The following FGFR2 variants were observed in gnomAD, a reference collection of about 807,000 sequenced individuals.
The protein encoded by FGFR2 is fibroblast growth factor receptor 2.
In FGFR2, 19 loss-of-function variants were observed where a neutral mutation model predicts 95.9. The ratio of observed to expected loss-of-function variants is 0.20; its 90% CI spans 0.14 to 0.29. The LOEUF (loss-of-function observed/expected upper bound fraction) is 0.29, where lower values mean the gene tolerates loss of function less well. Among genes scored for constraint, FGFR2 ranks in the 10% least tolerant of loss-of-function variants. FGFR2 has a pLI of 1.00. For synonymous variants in FGFR2, 392 were observed against 393.3 expected (o/e 1.00, Z 0.04); for missense variants, 707 against 1,056.9 (o/e 0.67, Z 4.59).
chr10:121,536,458 A>C (rs1339694155), intron 6 of FGFR2, among the ~76,000 whole-genome samples: 1 of 152,144 alleles, frequency 6.6e-6, no homozygotes, highest in Non-Finnish European at 1.5e-5. Flanking sequence ...TGACATAATC[A>C]GGCCTCTCTC....
intron 9 of FGFR2, among the ~76,000 whole-genome samples, chr10:121,510,153 G>A (rs374099822): frequency 2.9e-4 from 44 of 152,288 alleles, no homozygotes; most frequent in East Asian, 1.5e-3. Context: ...ACAAAATTTA[G>A]GTAATTAGGC....
At chr10:121,490,928 A>C (rs769901906) in intron 13 of FGFR2, among the ~76,000 whole-genome samples, 5 of 152,196 alleles carry the variant, frequency 3.3e-5, no homozygotes, top group Non-Finnish European at 7.3e-5. Flanking sequence ...GAAGCAGGAA[A>C]CATGAGAGCT....
chr10:121,553,524 A>C (rs944434464), intron 4 of FGFR2, among the ~76,000 whole-genome samples: 3 of 152,244 alleles, frequency 2.0e-5, no homozygotes, highest in Non-Finnish European at 2.9e-5. Context: ...GAAACCATTG[A>C]GAGCACAAAA....
At chr10:121,490,931 T>C (rs377654893) in intron 13 of FGFR2, among the ~76,000 whole-genome samples, 109 of 152,174 alleles carry the variant, frequency 7.2e-4, no homozygotes, top group Non-Finnish European at 1.3e-3. Context: ...GCAGGAAACA[T>C]GAGAGCTCAC....
At chr10:121,587,581 A>G (rs938157621) in intron 2 of FGFR2, among the ~76,000 whole-genome samples, 5 of 152,208 alleles carry the variant, frequency 3.3e-5, no homozygotes, top group South Asian at 4.1e-4. Flanking sequence ...AACCACATAA[A>G]AAGTAGACAA....
At chr10:121,535,916 A>G (rs1362870247) in intron 6 of FGFR2, among the ~76,000 whole-genome samples, 1 of 152,182 alleles carries the variant, frequency 6.6e-6, no homozygotes, top group Non-Finnish European at 1.5e-5. Flanking sequence ...AAAAGATCTC[A>G]CCCATCTTGA....
chr10:121,487,112 C>T (rs1004782362), intron 15 of FGFR2, among the ~76,000 whole-genome samples: 20 of 152,266 alleles, frequency 1.3e-4, no homozygotes, highest in Admixed American at 9.2e-4. Flanking sequence ...AAGGGAAGGA[C>T]TTCCGCTCTG....
intron 5 of FGFR2, among the ~76,000 whole-genome samples, chr10:121,542,968 C>T (rs943814938): frequency 1.3e-5 from 2 of 152,202 alleles, no homozygotes; most frequent in Non-Finnish European, 2.9e-5. Flanking sequence ...AAAATCCAGA[C>T]ATTTCCAAAT....
chr10:121,478,712 A>G lies in FGFR2; in HGVS notation c.*1145T>C. ...TCTATGATGGGACTTGAAGATCCTA[A>G]CAGGCGTCTCCAACGCCAAAGAGTC... is the stretch of plus-strand genomic sequence containing the variant. On this transcript the variant is annotated 3_prime_UTR_variant, in exon 18 of 18. Coordinates refer to ENST00000358487, the MANE Select transcript of FGFR2 (RefSeq NM_000141.5). The G allele has an allele frequency of 4.3e-6, 1 of 233,616 alleles. No individual in the cohort carries two copies. 14.5% of individuals were successfully genotyped at this position (233,616 alleles called of 1,614,324 possible).
At chr10:121,577,719 G>A (rs1451401466) in intron 2 of FGFR2, among the ~76,000 whole-genome samples, 1 of 152,032 alleles carries the variant, frequency 6.6e-6, no homozygotes, top group African/African-American at 2.4e-5. Context: ...CTGGGCACGT[G>A]TGGCTTTTCC....
intron 10 of FGFR2, among the ~76,000 whole-genome samples, chr10:121,501,217 T>TTGACC (rs1222372638): frequency 1.3e-5 from 2 of 152,218 alleles, no homozygotes; most frequent in Non-Finnish European, 2.9e-5. Flanking sequence ...GCTAGTGCGG[T>TTGACC]GGTCAGCTTT....
intron 2 of FGFR2, among the ~76,000 whole-genome samples, chr10:121,579,331 C>G (rs538559931): frequency 6.6e-6 from 1 of 152,208 alleles, no homozygotes; most frequent in Admixed American, 6.5e-5. Context: ...GGAGGGCAGT[C>G]CTGGGTTCCT....
rs1459232873 is a variant in FGFR2, at chr10:121,503,814, G to A, written c.1415C>T (p.Pro472Leu). Residue 472 changes from proline to leucine, a missense_variant, in exon 10 of 18, where the codon CCA (proline) becomes CTA (leucine). Transcript: ENST00000358487. ...GVSEYELPEDPKWEFPRDKLT... is the reference protein window; with the variant it reads ...GVSEYELPEDLKWEFPRDKLT... The stretch of plus-strand genomic sequence containing the variant: ...CTTATCTCTTGGAAACTCCCATTTT[G>A]GGTCCTCTGGAAGTTCATACTCGGA... 3 of 1,613,970 alleles carry A rather than the reference G, an allele frequency of 1.9e-6. No individual in the cohort carries two copies. Among genetic ancestry groups the A allele is most frequent in the Non-Finnish European group, 2.5e-6 (3 of 1,180,024 alleles).
chr10:121,562,378 G>T (rs1262573187), intron 4 of FGFR2, among the ~76,000 whole-genome samples: 1 of 151,640 alleles, frequency 6.6e-6, no homozygotes, highest in East Asian at 1.9e-4. Flanking sequence ...TCCGCATCCT[G>T]GGTTCAAGTG....
intron 2 of FGFR2, among the ~76,000 whole-genome samples, chr10:121,570,720 C>T (rs1034045993): frequency 2.0e-5 from 3 of 152,180 alleles, no homozygotes; most frequent in African/African-American, 7.2e-5. Flanking sequence ...AATATGTTTC[C>T]ATGTATTTTT....
intron 2 of FGFR2, among the ~76,000 whole-genome samples, chr10:121,591,805 AT>A (rs1554867460): frequency 6.6e-6 from 1 of 152,196 alleles, no homozygotes; most frequent in Non-Finnish European, 1.5e-5. Flanking sequence ...TTCCTGATCC[AT>A]AAGTGCATCC....
At chr10:121,589,758 G>A (rs973955735) in intron 2 of FGFR2, among the ~76,000 whole-genome samples, 5 of 152,124 alleles carry the variant, frequency 3.3e-5, no homozygotes, top group East Asian at 1.9e-4. Flanking sequence ...ATTTAACTGC[G>A]TAAGCCTGTA....
intron 4 of FGFR2, among the ~76,000 whole-genome samples, chr10:121,560,786 G>A (rs1404416833): frequency 6.6e-6 from 1 of 152,056 alleles, no homozygotes; most frequent in Non-Finnish European, 1.5e-5. Flanking sequence ...CTAACAGTAA[G>A]CTCCCATTCA....
In FGFR2 at chr10:121,500,855, G is replaced by A. The variant is rs770309121; in HGVS notation, c.1532C>T (p.Ala511Val). 9 of 1,614,062 alleles carry A rather than the reference G, an allele frequency of 5.6e-6. No individual in the cohort carries two copies. The highest frequency in any genetic ancestry group is 1.3e-5 in the African/African-American group (1 of 75,030). The change falls in exon 11 of 18, where the codon GCG (alanine) becomes GTG (valine). Residue 511 changes from alanine (A) to valine (V), a missense_variant. Ala to Val is a moderately conservative substitution (Grantham distance 64). Coordinates refer to ENST00000358487, the MANE Select transcript of FGFR2 (RefSeq NM_000141.5). ...VGIDKDKPKE[A>V]VTVAVKMLKD... ...CAACATCTTCACGGCCACGGTGACC[G>A]CCTCCTTGGGCTTGTCTTTGTCAAT...
Sources: allele counts gnomAD v4.1 joint callset (sites outside exome capture counted in the v4.1 genomes callset), GRCh38; gene constraint gnomAD v4.1.1; transcripts MANE v1.5; gene names NCBI Gene and HGNC (gene_info 2026-07-23, HGNC 2026-07-21).